The following MPP3 variants were observed in gnomAD, a reference collection of about 807,000 sequenced individuals.
MPP3 encodes the protein MAGUK p55 scaffold protein 3, also known as MAGUK p55 subfamily member 3.
Under a neutral mutation model 80.7 loss-of-function variants are expected in MPP3, and 48 were observed. The observed-to-expected ratio is 0.59, with a 90% CI of 0.47 to 0.76. The LOEUF is 0.76. MPP3 is among the 30% of genes least tolerant of loss of function. The probability of loss-of-function intolerance (pLI) is 0.00; values close to 1 mark genes in which losing one functional copy is unlikely to be tolerated. For missense variants in MPP3, 620 were observed against 763.0 expected (o/e 0.81, Z 2.21); for synonymous variants, 311 against 297.6 (o/e 1.04, Z -0.46).
chr17:43,811,307 G>T, intron 16 of MPP3, 102 bp from the exon 17 acceptor site: 1 of 850,318 alleles, frequency 1.2e-6, no homozygotes, highest in Non-Finnish European at 1.9e-6. Flanking sequence ...CTGCTGCTGT[G>T]TCTAAACCAG....
In MPP3 at chr17:43,801,368, T is replaced by A. The variant is rs1161451150; in HGVS notation, c.*333A>T. The A allele has an allele frequency of 3.5e-6, 1 of 288,450 alleles. No individual in the cohort carries two copies. The allele number at this position is 288,450 out of a possible 1,614,324, so 17.9% of individuals were successfully genotyped here. Reference sequence around the variant, plus strand: ...AAAGCTTAAACATTCTGCGAATCAGTACTGTATAAATTAACCACTACCACC... The same window carrying A: ...AAAGCTTAAACATTCTGCGAATCAGAACTGTATAAATTAACCACTACCACC... On this transcript the variant is annotated 3_prime_UTR_variant, in exon 20 of 20. Transcript: ENST00000398389.
At position 43,801,721 on chromosome 17, in the gene MPP3, G is replaced by A; in HGVS notation, c.1738C>T (p.Pro580Ser). 6.2e-7 allele frequency: 1 copy of A among 1,614,044 alleles called. No individual in the cohort carries two copies. Among genetic ancestry groups the A allele is most frequent in the Non-Finnish European group, 8.5e-7 (1 of 1,179,990 alleles). ...EKLSKDTHWV[P>S]VSWVR The stretch of plus-strand genomic sequence containing the variant: ...TAAAGTTACCTGACCCAACTAACAG[G>A]TACCCAGTGAGTGTCCTTGCTCAGC... The change falls in exon 20 of 20, where the codon CCT becomes TCT. Residue 580 changes from proline (P) to serine (S), a missense_variant. By Grantham distance (74) the Pro-to-Ser change is moderately conservative. Transcript: ENST00000398389.
chr17:43,813,286 T>C (rs79439270), intron 16 of MPP3, among the ~76,000 whole-genome samples: 2,670 of 152,266 alleles, frequency 0.018, 80 homozygotes, highest in African/African-American at 0.062. Flanking sequence ...GACAAGTTAC[T>C]TAACCTCTCT....
intron 19 of MPP3, 138 bp from the exon 20 acceptor site, chr17:43,802,015 T>A (rs138863904): frequency 2.1e-4 from 166 of 790,372 alleles, no homozygotes; most frequent in Middle Eastern, 3.8e-4. Context: ...TAACCAACTG[T>A]GTACACAAGA....
rs532506627 is a variant in MPP3 at position 43,824,048 on chromosome 17, A to G, written c.610-43T>C. On this transcript the variant is annotated intron_variant, in intron 9 of 19. Coordinates refer to ENST00000398389, the MANE Select transcript of MPP3 (RefSeq NM_001932.6). The stretch of plus-strand genomic sequence containing the variant: ...AGAAGCTTCTCGCCTACCAGGTCTA[A>G]CCCTCCAAGAGTTCAACTCCTACTT... The G allele has an allele frequency of 1.3e-5, 18 of 1,432,816 alleles. No individual in the cohort carries two copies. The African/African-American group carries it at 2.4e-4, about 19-fold the overall frequency. 88.8% of individuals were successfully genotyped at this position (1,432,816 alleles called of 1,614,324 possible). A position where few individuals can be genotyped will look rare whatever the true frequency, so the allele number is the denominator to read the frequency against.
chr17:43,830,111 C>T lies in MPP3; in HGVS notation c.223-4G>A. ...CGGCCTGCAACTCCTCCATCACCTG[C>T]AGAGAATGAGACAGGCGCCACTGAT... On this transcript the variant is annotated splice_polypyrimidine_tract_variant and splice_region_variant and intron_variant, in intron 5 of 19. Transcript: ENST00000398389. 1 of 1,533,680 alleles carries T rather than the reference C, an allele frequency of 6.5e-7. No homozygotes were observed. The highest frequency in any genetic ancestry group is 8.8e-7 in the Non-Finnish European group (1 of 1,141,196).
chr17:43,816,692 G>A lies in MPP3; in HGVS notation c.952C>T (p.Gln318Ter). ...CTGGGCCTACCTTTGTCACAAGGCTGATCATCTGCGGTTTGCACAAAAGAC... is the reference window on the plus strand; with the variant it reads ...CTGGGCCTACCTTTGTCACAAGGCTAATCATCTGCGGTTTGCACAAAAGAC... The part of the protein sequence containing the change: ...PQSLRKPPYD[Q>*]PCDKETCDCE... Residue 318 changes from glutamine to a stop codon, truncating the protein, a stop_gained, in exon 13 of 20, where the codon CAG becomes TAG. Transcript: ENST00000398389. LOFTEE classifies it high-confidence loss of function. 1 of 1,576,430 alleles carries A rather than the reference G, an allele frequency of 6.3e-7. No individual in the cohort carries two copies. Among genetic ancestry groups the A allele is most frequent in the Non-Finnish European group, 8.6e-7 (1 of 1,160,364 alleles).
chr17:43,822,777 C>G (rs1376505212), intron 10 of MPP3, among the ~76,000 whole-genome samples: 1 of 151,476 alleles, frequency 6.6e-6, no homozygotes. Flanking sequence ...TTCAGTGCAG[C>G]CTGGGCTGAC....
At chr17:43,810,191 A>AG (rs1184089971) in intron 18 of MPP3, among the ~76,000 whole-genome samples, 1 of 152,178 alleles carries the variant, frequency 6.6e-6, no homozygotes, top group Non-Finnish European at 1.5e-5. Flanking sequence ...GTTTCTATAG[A>AG]GGGGAAAAAA....
chr17:43,830,382 G>T (rs1489544123), intron 5 of MPP3, among the ~76,000 whole-genome samples: 1 of 152,222 alleles, frequency 6.6e-6, no homozygotes, highest in Non-Finnish European at 1.5e-5. Context: ...TTGATGCAGA[G>T]GGTCTTGTTA....
intron 19 of MPP3, among the ~76,000 whole-genome samples, chr17:43,804,983 G>A (rs879556534): frequency 5.9e-5 from 9 of 151,996 alleles, no homozygotes; most frequent in South Asian, 2.1e-4. Flanking sequence ...GCACCATTGC[G>A]CTCCAGCCTG....
At chr17:43,825,976 G>A in intron 8 of MPP3, 135 bp from the exon 9 acceptor site, 1 of 635,008 alleles carries the variant, frequency 1.6e-6, no homozygotes, top group Non-Finnish European at 2.9e-6. Context: ...TGATGGGTGG[G>A]ACTGGGGCGA....
At position 43,819,263 on chromosome 17, in the gene MPP3, AC is replaced by A. The variant is rs2045306496; in HGVS notation, c.882-1154del. Among the ~76,000 whole-genome samples, 3 of 152,204 alleles carry A rather than the reference AC, an allele frequency of 2.0e-5. No individual in the cohort carries two copies. The South Asian group carries it at 6.2e-4, about 32-fold the overall frequency. On this transcript the variant is annotated intron_variant, in intron 11 of 19. Coordinates refer to ENST00000398389, the MANE Select transcript of MPP3 (RefSeq NM_001932.6). ...CACACCAAAAGATGTGAGGGCTACA[AC>A]CCACAGTGGAAGTCACAACTGCCAC... is the stretch of plus-strand genomic sequence containing the variant.
chr17:43,825,449 G>A (rs577264937), intron 9 of MPP3: 2 of 283,086 alleles, frequency 7.1e-6, no homozygotes, highest in East Asian at 1.4e-4. Context: ...GCTGGAAGGA[G>A]GCAGAGCCAG....
At chr17:43,802,010 A>G in intron 19 of MPP3, 133 bp from the exon 20 acceptor site, 1 of 818,534 alleles carries the variant, frequency 1.2e-6, no homozygotes, top group Non-Finnish European at 1.9e-6. Context: ...ACTGATAACC[A>G]ACTGTGTACA....
Position 43,801,797 on chromosome 17 carries a change from C to T in MPP3, c.1662G>A (p.Val554=). ...TGTAGGCACCCTGGAGATCCTCCTT[C>T]ACCAGCACGGCGTCTACCAGGTGCC... ...HYGHLVDAVL[V]KEDLQGAYSQ... The change falls in exon 20 of 20, where the codon GTG becomes GTA. Residue 554 remains valine, a synonymous_variant. Transcript: ENST00000398389. 1 of 1,614,180 alleles carries T rather than the reference C, an allele frequency of 6.2e-7. No individual in the cohort carries two copies. The highest frequency in any genetic ancestry group is 1.1e-5 in the South Asian group (1 of 91,082).
intron 3 of MPP3, 72 bp from the exon 4 acceptor site, chr17:43,831,749 G>A (rs1283942978): frequency 3.2e-5 from 47 of 1,451,548 alleles, no homozygotes; most frequent in Non-Finnish European, 4.4e-5. Context: ...AGCCCGAGTG[G>A]GGCCTCAAAC....
chr17:43,829,632 A>T, intron 7 of MPP3, 22 bp downstream of exon 7: 1 of 1,611,732 alleles, frequency 6.2e-7, no homozygotes, highest in Non-Finnish European at 8.5e-7. Context: ...TGGGTTAGAG[A>T]GGGGCAGGCA....
chr17:43,817,896 T>G, intron 12 of MPP3, 150 bp downstream of exon 12: 2 of 283,526 alleles, frequency 7.1e-6, no homozygotes, highest in African/African-American at 2.4e-5. Flanking sequence ...CACCTCCTAC[T>G]TCCCACCCCC....
Sources: gnomAD v4.1 joint callset for allele counts (sites outside exome capture counted in the v4.1 genomes callset) on GRCh38, gnomAD v4.1.1 for gene constraint, MANE v1.5 for transcripts, NCBI Gene and HGNC (gene_info 2026-07-23, HGNC 2026-07-21) for gene names.